Variants in TATDN1 observed in about 807,000 individuals in gnomAD.
TATDN1 encodes deoxyribonuclease TATDN1.
Under a neutral mutation model 46.4 loss-of-function variants are expected in TATDN1, and 40 were observed. That is an observed-to-expected ratio of 0.86 (90% CI 0.67 to 1.12). The LOEUF is 1.12. TATDN1 is among the 50% of genes most tolerant of loss of function. The probability of loss-of-function intolerance (pLI) is 0.00; values close to 1 mark genes in which losing one functional copy is unlikely to be tolerated. For synonymous variants in TATDN1, 95 were observed against 105.6 expected (o/e 0.90, Z 0.62); for missense variants, 326 against 348.4 (o/e 0.94, Z 0.51).
intron 6 of TATDN1, among the ~76,000 whole-genome samples, chr8:124,512,450 A>G (rs1223636841): frequency 6.6e-6 from 1 of 152,114 alleles, no homozygotes; most frequent in Non-Finnish European, 1.5e-5. Context: ...AAACAAACAA[A>G]CACAATCATA....
At chr8:124,526,022 T>C (rs960076395) in intron 1 of TATDN1, among the ~76,000 whole-genome samples, 7 of 152,222 alleles carry the variant, frequency 4.6e-5, no homozygotes, top group Non-Finnish European at 1.0e-4. Context: ...TAATTACTTC[T>C]TGAAGCCGCT....
intron 8 of TATDN1, among the ~76,000 whole-genome samples, chr8:124,506,103 G>A (rs2131408687): frequency 6.6e-6 from 1 of 152,004 alleles, no homozygotes; most frequent in African/African-American, 2.4e-5. Flanking sequence ...GGGAGGCCGA[G>A]GCAGGTGGAT....
At chr8:124,518,624 A>T (rs1819743878) in intron 4 of TATDN1, 194 bp downstream of exon 4, 1 of 552,156 alleles carries the variant, frequency 1.8e-6, no homozygotes, top group South Asian at 2.4e-5. Context: ...GCAGTATGAA[A>T]CAGTTTTATA....
In TATDN1 at chr8:124,495,519, A is replaced by G; in HGVS notation, c.617T>C (p.Leu206Ser). ...NGCSLKTEAN[L>S]EVLKSIPSEK... ...ACTAGGAATTGACTTCAAAACTTCC[A>G]AATTAGCTTCAGTTTTCAGTGAGCT... The change falls in exon 10 of 12, where the codon TTG becomes TCG. Residue 206 changes from leucine to serine, a missense_variant. Coordinates refer to ENST00000276692, the MANE Select transcript of TATDN1 (RefSeq NM_032026.4). 1 of 1,605,656 alleles carries G rather than the reference A, an allele frequency of 6.2e-7. No homozygotes were observed. Among genetic ancestry groups the G allele is most frequent in the Non-Finnish European group, 8.5e-7 (1 of 1,177,696 alleles).
chr8:124,532,789 T>G (rs1013285194), intron 1 of TATDN1, among the ~76,000 whole-genome samples: 2 of 152,200 alleles, frequency 1.3e-5, no homozygotes, highest in African/African-American at 4.8e-5. Flanking sequence ...GGGGCCTGAT[T>G]CAATGATTCC....
intron 6 of TATDN1, among the ~76,000 whole-genome samples, chr8:124,511,860 G>A (rs1488297631): frequency 6.6e-6 from 1 of 152,086 alleles, no homozygotes; most frequent in Admixed American, 6.6e-5. Flanking sequence ...TGGGCTTTAT[G>A]TGCCTTATGT....
At chr8:124,517,940 G>A (rs965288933) in intron 4 of TATDN1, among the ~76,000 whole-genome samples, 4 of 151,996 alleles carry the variant, frequency 2.6e-5, no homozygotes, top group Non-Finnish European at 4.4e-5. Flanking sequence ...GGCTGGGCAC[G>A]GTGGCTCACG....
chr8:124,495,717 C>G (rs1817408754), intron 9 of TATDN1, among the ~76,000 whole-genome samples, 175 bp from the exon 10 acceptor site: 2 of 152,192 alleles, frequency 1.3e-5, no homozygotes. Flanking sequence ...AGATTAACAT[C>G]TATTTTAACC....
intron 4 of TATDN1, 145 bp downstream of exon 4, chr8:124,518,673 T>C: frequency 3.2e-6 from 2 of 633,172 alleles, no homozygotes; most frequent in Non-Finnish European, 2.8e-6. Flanking sequence ...AATTTTGTCA[T>C]CTTAATCATG....
At chr8:124,491,006 A>C (rs1816946221) in intron 11 of TATDN1, 1 of 151,294 alleles carries the variant, frequency 6.6e-6, no homozygotes, top group Admixed American at 6.6e-5. Context: ...CTGGTTTTGA[A>C]CTCCTGACCT....
intron 11 of TATDN1, among the ~76,000 whole-genome samples, chr8:124,490,544 A>C (rs146265593): frequency 2.8e-4 from 43 of 152,116 alleles, no homozygotes; most frequent in African/African-American, 7.7e-4. Flanking sequence ...AATCTATTGG[A>C]GCTTAGGACA....
chr8:124,502,454 A>G (rs1048275258), intron 9 of TATDN1, among the ~76,000 whole-genome samples: 1 of 152,190 alleles, frequency 6.6e-6, no homozygotes, highest in Admixed American at 6.5e-5. Flanking sequence ...ATGTATTTCA[A>G]ACTTGACTTC....
At position 124,517,832 on chromosome 8, in the gene TATDN1, T is replaced by C. The variant is rs578024916; in HGVS notation, c.202+986A>G. Among the ~76,000 whole-genome samples, 3 of 152,182 alleles carry C rather than the reference T, an allele frequency of 2.0e-5. No homozygotes were observed. The East Asian group carries it at 5.8e-4, about 29-fold the overall frequency. ...TAGTAAAAATTTAATAAAATGGCCC[T>C]TCACAGCTTAAGTTAAAAAAGAGTA... On this transcript the variant is annotated intron_variant, in intron 4 of 11. Transcript: ENST00000276692.
rs752400415 is a variant in TATDN1, at chr8:124,518,890, GA to G, written c.139-10del. On this transcript the variant is annotated splice_polypyrimidine_tract_variant and intron_variant, in intron 3 of 11. Transcript: ENST00000276692. Reference sequence around the variant, plus strand: ...CCACCTGTAATCATAAACTGAAATAGAAAGAAAATAAAATAAGCTGACTTTA... The same window carrying G: ...CCACCTGTAATCATAAACTGAAATAGAAGAAAATAAAATAAGCTGACTTTA... 1.3e-6 allele frequency: 2 copies of G among 1,589,670 alleles called. No individual in the cohort carries two copies. Among genetic ancestry groups the G allele is most frequent in the Admixed American group, 3.4e-5 (2 of 58,406 alleles).
At chr8:124,535,791 A>G (rs1821383052) in intron 1 of TATDN1, among the ~76,000 whole-genome samples, 2 of 152,228 alleles carry the variant, frequency 1.3e-5, no homozygotes, top group Non-Finnish European at 2.9e-5. Flanking sequence ...TACAAGATGC[A>G]TGACACCAAC....
intron 6 of TATDN1, among the ~76,000 whole-genome samples, chr8:124,512,198 G>A (rs915024025): frequency 1.2e-4 from 19 of 152,072 alleles, no homozygotes; most frequent in East Asian, 5.8e-4. Flanking sequence ...CGTGGTGGGC[G>A]GATCACTTGA....
intron 4 of TATDN1, among the ~76,000 whole-genome samples, chr8:124,517,388 A>G (rs1215752476): frequency 6.6e-6 from 1 of 150,468 alleles, no homozygotes; most frequent in Non-Finnish European, 1.5e-5. Context: ...AGATCGTGCC[A>G]TTGCACTCCA....
At chr8:124,491,741 A>G (rs1471496618) in intron 11 of TATDN1, 1 of 152,210 alleles carries the variant, frequency 6.6e-6, no homozygotes, top group Non-Finnish European at 1.5e-5. Context: ...GTTGCAAACA[A>G]TGTATATCTA....
At chr8:124,523,055 T>C in intron 1 of TATDN1, 53 bp from the exon 2 acceptor site, 1 of 1,502,800 alleles carries the variant, frequency 6.7e-7, no homozygotes, top group East Asian at 2.3e-5. Context: ...ATGAAACTTG[T>C]ACTTAAATAA....
Sources: gnomAD v4.1 joint callset for allele counts (sites outside exome capture counted in the v4.1 genomes callset) on GRCh38, gnomAD v4.1.1 for gene constraint, MANE v1.5 for transcripts, NCBI Gene and HGNC (gene_info 2026-07-23, HGNC 2026-07-21) for gene names.